The following SERPINB6 variants were observed in gnomAD, a reference collection of about 807,000 sequenced individuals.
The protein encoded by SERPINB6 is serpin family B member 6.
A neutral mutation model predicts 26.1 loss-of-function variants in SERPINB6; 16 were observed. That is an observed-to-expected ratio of 0.61 (90% CI 0.42 to 0.93). The LOEUF (loss-of-function observed/expected upper bound fraction) is 0.93. SERPINB6 is among the 40% of genes least tolerant of loss of function. The probability of loss-of-function intolerance (pLI) is 0.00; values close to 1 mark genes in which losing one functional copy is unlikely to be tolerated. For missense variants in SERPINB6, 420 were observed against 478.0 expected (o/e 0.88, Z 1.13); for synonymous variants, 174 against 176.6 (o/e 0.99, Z 0.11).
At chr6:2,961,837 C>G (rs1771148229) in intron 1 of SERPINB6, 10 of 984,554 alleles carry the variant, frequency 1.0e-5, no homozygotes, top group African/African-American at 1.8e-5. Flanking sequence ...CCAACCCCAT[C>G]CTAGACTATT....
chr6:2,971,489 ACCCAAGCCAGCGTGTCCGAGCGGCT>A lies in SERPINB6; in HGVS notation c.-11+19_-11+43del, dbSNP rs1772172673. ...GGCTTTCCCGACTTTGGAGCGACAA[ACCCAAGCCAGCGTGTCCGAGCGGCT>A]CCCAAGCCAGACACGTACTCCAGAG... is the stretch of plus-strand genomic sequence containing the variant. On this transcript the variant is annotated intron_variant, in intron 1 of 6. Coordinates refer to ENST00000380539, the MANE Select transcript of SERPINB6 (RefSeq NM_004568.6). The A allele has an allele frequency of 2.0e-5, 3 of 152,088 alleles. No individual in the cohort carries two copies. Among genetic ancestry groups the A allele is most frequent in the Admixed American group, 1.3e-4 (2 of 15,274 alleles). 9.4% of individuals were successfully genotyped at this position (152,088 alleles called of 1,614,324 possible).
Position 2,959,352 on chromosome 6 carries a change from G to A in SERPINB6, c.-10-10C>T. The A allele has an allele frequency of 1.2e-6, 2 of 1,613,302 alleles. No individual in the cohort carries two copies. Among genetic ancestry groups the A allele is most frequent in the Admixed American group, 1.7e-5 (1 of 60,022 alleles). ...ATCCATGATGGCAGACCTGGAACAA[G>A]ATTTAAAATCAGTATCACTTAAGCA... On this transcript the variant is annotated splice_polypyrimidine_tract_variant and intron_variant, in intron 1 of 6. Coordinates refer to ENST00000380539, the MANE Select transcript of SERPINB6 (RefSeq NM_004568.6).
chr6:2,955,758 A>C, intron 2 of SERPINB6, 88 bp from the exon 3 acceptor site: 1 of 1,417,712 alleles, frequency 7.1e-7, no homozygotes, highest in Non-Finnish European at 9.9e-7. Context: ...CCTAACAACC[A>C]TCCAGACCCT....
chr6:2,953,905 C>A (rs1209996993), intron 4 of SERPINB6, among the ~76,000 whole-genome samples: 1 of 151,948 alleles, frequency 6.6e-6, no homozygotes, highest in Non-Finnish European at 1.5e-5. Context: ...TGGCACGTGC[C>A]TGTGATCCCA....
chr6:2,962,513 A>G (rs569250405), intron 1 of SERPINB6, among the ~76,000 whole-genome samples: 90 of 152,312 alleles, frequency 5.9e-4, no homozygotes, highest in African/African-American at 2.1e-3. Context: ...AAAAGCATAT[A>G]CCAGATAATC....
chr6:2,966,223 C>G (rs1057491645), intron 1 of SERPINB6, among the ~76,000 whole-genome samples: 2 of 152,194 alleles, frequency 1.3e-5, no homozygotes, highest in Admixed American at 1.3e-4. Context: ...GCAAACATTA[C>G]TGAATTCTTT....
intron 1 of SERPINB6, chr6:2,970,258 T>C (rs1186275066): frequency 2.0e-6 from 2 of 985,348 alleles, no homozygotes; most frequent in African/African-American, 1.7e-5. Flanking sequence ...CCGTGTTAAC[T>C]GTTTCATGCT....
chr6:2,958,352 G>A (rs1216572011), intron 2 of SERPINB6, among the ~76,000 whole-genome samples: 7 of 152,184 alleles, frequency 4.6e-5, no homozygotes, highest in African/African-American at 1.2e-4. Flanking sequence ...GGGTGGCCCC[G>A]ACCAGCTACA....
intron 4 of SERPINB6, among the ~76,000 whole-genome samples, chr6:2,953,866 T>A (rs1770104034): frequency 6.6e-6 from 1 of 151,542 alleles, no homozygotes; most frequent in African/African-American, 2.4e-5. Flanking sequence ...CTGTCTCTAC[T>A]AAAAAATACA....
intron 5 of SERPINB6, 144 bp downstream of exon 5, chr6:2,952,900 C>T: frequency 8.5e-7 from 1 of 1,181,122 alleles, no homozygotes; most frequent in South Asian, 1.3e-5. Context: ...GGATGCCAGG[C>T]GCCCAGGGAC....
chr6:2,959,706 T>C, intron 1 of SERPINB6: 1 of 328,862 alleles, frequency 3.0e-6, no homozygotes, highest in East Asian at 7.6e-5. Flanking sequence ...TGGTGTGTTT[T>C]GCGGGCTTAA....
At chr6:2,970,124 T>C in intron 1 of SERPINB6, 1 of 984,960 alleles carries the variant, frequency 1.0e-6, no homozygotes, top group Non-Finnish European at 1.2e-6. Context: ...GCAGTAAGCC[T>C]GGAAATGTAA....
chr6:2,950,403 C>T (rs764939065), intron 5 of SERPINB6, among the ~76,000 whole-genome samples: 6 of 151,830 alleles, frequency 4.0e-5, no homozygotes, highest in Admixed American at 2.0e-4. Flanking sequence ...CATGGTGGTG[C>T]GCTCCTGTAA....
At chr6:2,961,856 A>AG in intron 1 of SERPINB6, 1 of 984,690 alleles carries the variant, frequency 1.0e-6, no homozygotes, top group African/African-American at 1.7e-5. Context: ...TTCTACCGTC[A>AG]GCACACGTTT....
rs1772022239 is a variant in SERPINB6, at chr6:2,970,278, T to C, written c.-11+1255A>G. On this transcript the variant is annotated intron_variant, in intron 1 of 6. Transcript: ENST00000380539. ...TTAACTGTTTCATGCTGAATTGTAA[T>C]AAAATGCATTGGAATTGGCCTTAAC... 5.1e-6 allele frequency: 5 copies of C among 985,632 alleles called. No homozygotes were observed. In the South Asian group the frequency reaches 2.3e-4, roughly 46 times the overall value. The allele number at this position is 985,632 out of a possible 1,614,324, so 61.1% of individuals were successfully genotyped here.
At chr6:2,969,743 C>T (rs971046900) in intron 1 of SERPINB6, 1 of 982,122 alleles carries the variant, frequency 1.0e-6, no homozygotes, top group Admixed American at 6.4e-5. Context: ...CCTGCTTTGT[C>T]CCTCTGTTTC....
intron 4 of SERPINB6, 120 bp downstream of exon 4, chr6:2,954,472 T>C: frequency 1.2e-6 from 1 of 841,692 alleles, no homozygotes; most frequent in South Asian, 1.4e-5. Context: ...ATTTTTTAAG[T>C]TTGCAGTTAT....
chr6:2,960,190 G>C (rs753644977), intron 1 of SERPINB6: 2 of 152,912 alleles, frequency 1.3e-5, no homozygotes, highest in Non-Finnish European at 2.9e-5. Flanking sequence ...GGGGGGAGCT[G>C]GGGTATCTTC....
At chr6:2,949,484 G>A (rs532207681) in intron 5 of SERPINB6, among the ~76,000 whole-genome samples, 1 of 152,312 alleles carries the variant, frequency 6.6e-6, no homozygotes, top group East Asian at 1.9e-4. Context: ...CTGCAACTCT[G>A]CCCATCTCAG....
Sources: gnomAD v4.1 joint callset for allele counts (sites outside exome capture counted in the v4.1 genomes callset) on GRCh38, gnomAD v4.1.1 for gene constraint, MANE v1.5 for transcripts, NCBI Gene and HGNC (gene_info 2026-07-23, HGNC 2026-07-21) for gene names.